The following DGCR2 variants were observed in gnomAD, a reference collection of about 807,000 sequenced individuals.
DGCR2 encodes the protein DiGeorge syndrome critical region gene 2, also known as integral membrane protein DGCR2/IDD.
Under a neutral mutation model 51.6 loss-of-function variants are expected in DGCR2, and 24 were observed. That is an observed-to-expected ratio of 0.47 (90% confidence interval 0.34 to 0.65). The LOEUF (loss-of-function observed/expected upper bound fraction) is 0.65. Among genes scored for constraint, DGCR2 ranks in the 30% least tolerant of loss-of-function variants. The probability of loss-of-function intolerance (pLI) is 0.01; values close to 1 mark genes in which losing one functional copy is unlikely to be tolerated. For synonymous variants in DGCR2, 340 were observed against 315.4 expected (o/e 1.08, Z -0.82); for missense variants, 765 against 772.1 (o/e 0.99, Z 0.11).
chr22:19,100,782 T>G (rs2083193154), intron 1 of DGCR2, among the ~76,000 whole-genome samples: 1 of 152,218 alleles, frequency 6.6e-6, no homozygotes, highest in Admixed American at 6.5e-5. Flanking sequence ...GGGTTATATC[T>G]GTCAATATTT....
At chr22:19,074,121 C>A (rs529721629) in intron 2 of DGCR2, among the ~76,000 whole-genome samples, 1 of 152,292 alleles carries the variant, frequency 6.6e-6, no homozygotes, top group South Asian at 2.1e-4. Context: ...AACGGCTTGG[C>A]AATTTCTTAA....
At chr22:19,048,725 G>C (rs1219763922) in intron 6 of DGCR2, 82 bp from the exon 7 acceptor site, 30 of 1,430,836 alleles carry the variant, frequency 2.1e-5, no homozygotes, top group Non-Finnish European at 2.8e-5. Context: ...TGCCAAAAAA[G>C]GTAGCCTCCC....
In DGCR2 at chr22:19,102,696, C is replaced by A. The variant is rs575415974; in HGVS notation, c.80-13206G>T. On this transcript the variant is annotated intron_variant, in intron 1 of 9. Coordinates refer to ENST00000263196, the MANE Select transcript of DGCR2 (RefSeq NM_005137.3). ...CAGCCTGGGTGACAGAGCGAGACTC[C>A]GTCTCAAAAAAAAAAAGGTTAAAAT... Among the ~76,000 whole-genome samples the A allele has an allele frequency of 7.4e-5, 11 of 148,756 alleles. No homozygotes were observed. The South Asian group carries it at 1.9e-3, about 26-fold the overall frequency.
Position 19,068,119 on chromosome 22 carries a change from C to A in DGCR2, c.309G>T (p.Ala103=). The change falls in exon 3 of 10, where the codon GCG becomes GCT. Residue 103 remains alanine (A), a synonymous_variant. Transcript: ENST00000263196. Reference sequence around the variant, plus strand: ...ACTTACTGCTGAAGCGAACGGGCTGCGCCACGTTCACCGCGTGGAAGTGCG... The same window carrying A: ...ACTTACTGCTGAAGCGAACGGGCTGAGCCACGTTCACCGCGTGGAAGTGCG... The part of the protein sequence containing the change: ...DPSHFHAVNV[A]QPVRFSSFLG... 1.3e-6 allele frequency: 2 copies of A among 1,598,614 alleles called. No individual in the cohort carries two copies. The highest frequency in any genetic ancestry group is 1.1e-5 in the South Asian group (1 of 89,162).
At chr22:19,092,462 T>C (rs1267638365) in intron 1 of DGCR2, among the ~76,000 whole-genome samples, 1 of 152,160 alleles carries the variant, frequency 6.6e-6, no homozygotes, top group Non-Finnish European at 1.5e-5. Flanking sequence ...TTTATGTCAA[T>C]AAATCTGACA....
chr22:19,063,338 G>T, intron 4 of DGCR2, 60 bp from the exon 5 acceptor site: 2 of 1,521,706 alleles, frequency 1.3e-6, no homozygotes, highest in Admixed American at 1.7e-5. Flanking sequence ...AACCATCAAT[G>T]ACTGTGTGTT....
intron 2 of DGCR2, among the ~76,000 whole-genome samples, chr22:19,072,734 C>T (rs1021585639): frequency 2.6e-5 from 4 of 152,070 alleles, no homozygotes; most frequent in Admixed American, 2.6e-4. Context: ...ATTAGCTGGG[C>T]GTGGTGGCAC....
intron 1 of DGCR2, among the ~76,000 whole-genome samples, chr22:19,114,052 T>C (rs1354164523): frequency 1.7e-5 from 2 of 116,076 alleles, no homozygotes; most frequent in Non-Finnish European, 3.3e-5. Flanking sequence ...AAAGCAAGAT[T>C]CCATTTGAGG....
At chr22:19,082,041 T>C (rs1283496310) in intron 2 of DGCR2, among the ~76,000 whole-genome samples, 2 of 148,880 alleles carry the variant, frequency 1.3e-5, no homozygotes, top group African/African-American at 4.9e-5. Flanking sequence ...CAGTCTTTAC[T>C]GGTGTTTTTT....
At chr22:19,041,678 G>GACC in intron 8 of DGCR2, 129 bp downstream of exon 8, 1 of 1,091,538 alleles carries the variant, frequency 9.2e-7, no homozygotes, top group Non-Finnish European at 1.3e-6. Flanking sequence ...TGAGGACACA[G>GACC]ACCCCACAAC....
chr22:19,097,923 A>G (rs1280520809), intron 1 of DGCR2, among the ~76,000 whole-genome samples: 1 of 152,096 alleles, frequency 6.6e-6, no homozygotes. Context: ...GAGAAAGGGG[A>G]GCAACACCCT....
At chr22:19,063,852 G>T (rs1024315570) in intron 4 of DGCR2, among the ~76,000 whole-genome samples, 9 of 152,186 alleles carry the variant, frequency 5.9e-5, no homozygotes, top group African/African-American at 2.2e-4. Flanking sequence ...ACAACTCGGT[G>T]ACTATGCTAA....
chr22:19,062,779 A>ACACTCTCTCTCTCT (rs1555903895), intron 5 of DGCR2, among the ~76,000 whole-genome samples: 2 of 127,354 alleles, frequency 1.6e-5, no homozygotes, highest in Non-Finnish European at 1.8e-5. Flanking sequence ...ATGCATGCTC[A>ACACTCTCTCTCTCT]CTCTCTCTCT....
At chr22:19,107,816 G>A (rs751752656) in intron 1 of DGCR2, among the ~76,000 whole-genome samples, 2 of 152,152 alleles carry the variant, frequency 1.3e-5, no homozygotes, top group African/African-American at 2.4e-5. Context: ...GAGCTATCTC[G>A]CATCTGATGT....
At chr22:19,103,587 C>G (rs935226091) in intron 1 of DGCR2, among the ~76,000 whole-genome samples, 1 of 150,018 alleles carries the variant, frequency 6.7e-6, no homozygotes, top group African/African-American at 2.4e-5. Flanking sequence ...CACCATCACG[C>G]CCGGCTAATT....
intron 1 of DGCR2, 141 bp downstream of exon 1, chr22:19,121,987 G>A: frequency 2.4e-6 from 1 of 418,356 alleles, no homozygotes; most frequent in Non-Finnish European, 3.7e-6. Flanking sequence ...AGAGTGCCAG[G>A]CGGCCCGCGA....
At chr22:19,089,272 A>G in intron 2 of DGCR2, 96 bp downstream of exon 2, 1 of 1,366,662 alleles carries the variant, frequency 7.3e-7, no homozygotes, top group Non-Finnish European at 9.8e-7. Context: ...CAATGTGTTA[A>G]GACAGCACAC....
At chr22:19,091,256 G>C (rs1025988651) in intron 1 of DGCR2, among the ~76,000 whole-genome samples, 1 of 152,186 alleles carries the variant, frequency 6.6e-6, no homozygotes, top group Non-Finnish European at 1.5e-5. Context: ...CTACTCGAGA[G>C]GCTGAGGTGG....
At chr22:19,052,541 A>T (rs2082560453) in intron 6 of DGCR2, among the ~76,000 whole-genome samples, 1 of 151,950 alleles carries the variant, frequency 6.6e-6, no homozygotes, top group Non-Finnish European at 1.5e-5. Flanking sequence ...AACAGCCCAG[A>T]TGTCCTTCAA....
Sources: gnomAD v4.1 joint callset for allele counts (sites outside exome capture counted in the v4.1 genomes callset) on GRCh38, gnomAD v4.1.1 for gene constraint, MANE v1.5 for transcripts, NCBI Gene and HGNC (gene_info 2026-07-23, HGNC 2026-07-21) for gene names.